CSPG4: variants seen among roughly 807,000 people sequenced by gnomAD.
The protein encoded by CSPG4 is chondroitin sulfate proteoglycan 4 (melanoma-associated).
CSPG4 carries 74 observed loss-of-function variants against 139.3 expected under a neutral mutation model. That is an observed-to-expected ratio of 0.53 (90% CI 0.44 to 0.64). The LOEUF (loss-of-function observed/expected upper bound fraction) is 0.64, where lower values mean the gene tolerates loss of function less well. Ranked by LOEUF, CSPG4 falls within the 30% of genes least tolerant of loss-of-function variation. CSPG4 has a pLI of 0.00. For missense variants in CSPG4, 2,565 were observed against 3,148.3 expected (o/e 0.81, Z 4.43); for synonymous variants, 1,234 against 1,394.2 (o/e 0.89, Z 2.56).
At position 75,700,433 on chromosome 15, in the gene CSPG4, G is replaced by A. The variant is rs557228920; in HGVS notation, c.89-7200C>T. On this transcript the variant is annotated intron_variant, in intron 1 of 9. Transcript: ENST00000308508. ...AGGGAAGCATCTGCTCTCCTTGGGC[G>A]GTTTGGCAGCCCCTCCTCTGTGGCT... Among the ~76,000 whole-genome samples, 11 of 152,330 alleles carry A rather than the reference G, an allele frequency of 7.2e-5. No individual in the cohort carries two copies. The East Asian group carries it at 1.7e-3, about 24-fold the overall frequency.
rs1029540219 is a variant in CSPG4 at position 75,689,258 on chromosome 15, C to T, written c.1807G>A (p.Val603Met). ...TCCCCAGGCTGGTCTCGGCGCTCCA[C>T]GGGGAGGCCAGAGGAGGTGCCAAGG... Reference protein sequence around the residue: ...QVLGTSSGLPVERRDQPGEPA... With the variant: ...QVLGTSSGLPMERRDQPGEPA... Residue 603 changes from valine (V) to methionine (M), a missense_variant, in exon 3 of 10, where the codon GTG (valine) becomes ATG (methionine). This residue lies in a region of CSPG4 where 2,316 missense variants were observed against 2,818.2 expected (regional missense o/e 0.82). Coordinates refer to ENST00000308508, the MANE Select transcript of CSPG4 (RefSeq NM_001897.5). 24 of 1,610,496 alleles carry T rather than the reference C, an allele frequency of 1.5e-5. No homozygotes were observed. The East Asian group carries it at 1.8e-4, about 12-fold the overall frequency.
In CSPG4 at chr15:75,687,501, G is replaced by A. The variant is rs1717085606; in HGVS notation, c.3564C>T (p.Ser1188=). The A allele has an allele frequency of 6.2e-7, 1 of 1,612,414 alleles. No homozygotes were observed. Among genetic ancestry groups the A allele is most frequent in the African/African-American group, 1.3e-5 (1 of 75,060 alleles). ...VRAGQPATAF[S]QQDLLDGAVL... is the part of the protein sequence containing the mutation. ...CGGCCCCATCCAGCAGGTCCTGCTG[G>A]GAGAAGGCTGTGGCTGGCTGACCAG... Residue 1188 remains serine, a synonymous_variant, in exon 3 of 10, where the codon TCC becomes TCT. Transcript: ENST00000308508. This position sits in a 1 kb window ranked among gnomAD's most constrained non-coding sequence, Gnocchi z 5.4.
Position 75,693,079 on chromosome 15 carries a change from T to A in CSPG4, c.243A>T (p.Gly81=). 2 of 1,498,394 alleles carry A rather than the reference T, an allele frequency of 1.3e-6. No homozygotes were observed. Among genetic ancestry groups the A allele is most frequent in the South Asian group, 1.2e-5 (1 of 83,276 alleles). The allele number at this position is 1,498,394 out of a possible 1,614,324, so 92.8% of individuals were successfully genotyped here. Residue 81 remains glycine (G), a synonymous_variant, in exon 2 of 10, where the codon GGA becomes GGT. Transcript: ENST00000308508. ...ADHLLLQLYS[G]RLQVRLVLGQ... is the part of the protein sequence containing the mutation. ...GGGGGACGTCACTCACCTGCAGGCGTCCAGAGTAGAGCTGCAGCAGGAGGT... is the reference window on the plus strand; with the variant it reads ...GGGGGACGTCACTCACCTGCAGGCGACCAGAGTAGAGCTGCAGCAGGAGGT...
intron 5 of CSPG4, among the ~76,000 whole-genome samples, chr15:75,683,518 G>A (rs1160165445): frequency 6.6e-6 from 1 of 152,256 alleles, no homozygotes; most frequent in African/African-American, 2.4e-5. Context: ...AGCTGAGGGA[G>A]GGGTGCGTGG....
At chr15:75,710,992 G>A (rs1384555488) in intron 1 of CSPG4, among the ~76,000 whole-genome samples, 3 of 152,194 alleles carry the variant, frequency 2.0e-5, no homozygotes, top group African/African-American at 7.2e-5. Context: ...AGGCTTCTGT[G>A]CCCCAGCCCA....
Position 75,682,343 on chromosome 15 carries a change from C to T in CSPG4, c.4900G>A (p.Ala1634Thr), listed in dbSNP as rs779270964. 1.8e-5 allele frequency: 28 copies of T among 1,596,652 alleles called. No homozygotes were observed. The highest frequency in any genetic ancestry group is 1.1e-4 in the East Asian group (5 of 44,884). The change falls in exon 8 of 10, where the codon GCC becomes ACC. Residue 1634 changes from alanine (A) to threonine (T), a missense_variant. Ala to Thr is a moderately conservative substitution (Grantham distance 58, BLOSUM62 0). Transcript: ENST00000308508. ...GCCTCCCCTGTGCTGTCCTGCTGGG[C>T]GTGGAACAGCCGGCCTAGCTGGGGG... The part of the protein sequence containing the change: ...RGPQLGRLFH[A>T]QQDSTGEALV...
In CSPG4 at chr15:75,687,768, G is replaced by T; in HGVS notation, c.3297C>A (p.Asp1099Glu). The change falls in exon 3 of 10, where the codon GAC becomes GAA. Residue 1099 changes from aspartate (D) to glutamate (E), a missense_variant. Coordinates refer to ENST00000308508, the MANE Select transcript of CSPG4 (RefSeq NM_001897.5). This position sits in a 1 kb window ranked among gnomAD's most constrained non-coding sequence, Gnocchi z 5.4. ...ACACCTGCAGCTGGATCCAGCCACG[G>T]TCAGCCCCTGAGTGCACGAACAGTA... ...RRVLFVHSGA[D>E]RGWIQLQVSD... 6.2e-7 allele frequency: 1 copy of T among 1,612,954 alleles called. No homozygotes were observed. Among genetic ancestry groups the T allele is most frequent in the Non-Finnish European group, 8.5e-7 (1 of 1,180,018 alleles).
chr15:75,676,417 A>C lies in CSPG4; in HGVS notation c.6102T>G (p.Asn2034Lys). ...FRVLALARGV[N>K]ASAVVNVTVR... ...CAGTGACGTTCACTACGGCTGATGC[A>C]TTGACACCCCTAGCCAGTGCCAGGA... is the stretch of plus-strand genomic sequence containing the variant. Residue 2034 changes from asparagine (N) to lysine (K), a missense_variant, in exon 10 of 10, where the codon AAT becomes AAG. By Grantham distance (94) the Asn-to-Lys change is moderately conservative. Coordinates refer to ENST00000308508, the MANE Select transcript of CSPG4 (RefSeq NM_001897.5). 3 of 1,613,756 alleles carry C rather than the reference A, an allele frequency of 1.9e-6. No homozygotes were observed. Among genetic ancestry groups the C allele is most frequent in the Non-Finnish European group, 2.5e-6 (3 of 1,180,028 alleles).
At position 75,696,032 on chromosome 15, in the gene CSPG4, G is replaced by A. The variant is rs375409665; in HGVS notation, c.89-2799C>T. On this transcript the variant is annotated intron_variant, in intron 1 of 9. Transcript: ENST00000308508. The surrounding 1 kb of genome is among the most constrained non-coding windows in gnomAD (Gnocchi z 4.2). ...TGGCACAGGCTGGATCAGACCTGCC[G>A]TTGATTCTCCTGGGTCAAGAGGACC... 2.0e-5 allele frequency among the ~76,000 whole-genome samples: 3 copies of A among 152,166 alleles called. No individual in the cohort carries two copies. Among genetic ancestry groups the A allele is most frequent in the African/African-American group, 2.4e-5 (1 of 41,440 alleles).
intron 1 of CSPG4, among the ~76,000 whole-genome samples, chr15:75,697,020 C>T (rs1001316054): frequency 2.0e-5 from 3 of 152,208 alleles, no homozygotes; most frequent in Non-Finnish European, 2.9e-5. Context: ...GACAAGGAGT[C>T]GCTGTGAGGG....
rs756400947 is a variant in CSPG4, at chr15:75,685,383, C to T, written c.4108G>A (p.Gly1370Ser). ...LEAQNFSVPE[G>S]GSLTLAPPLL... The stretch of plus-strand genomic sequence containing the variant: ...GGAGGGGCCAGGGTGAGGCTGCCAC[C>T]CTCAGGGACGCTGAAGTTTTGCGCC... Residue 1370 changes from glycine (G) to serine (S), a missense_variant, in exon 4 of 10, where the codon GGT becomes AGT. Physicochemically the swap from Gly to Ser is moderately conservative, Grantham distance 56. Coordinates refer to ENST00000308508, the MANE Select transcript of CSPG4 (RefSeq NM_001897.5). The T allele has an allele frequency of 6.2e-7, 1 of 1,610,504 alleles. No homozygotes were observed. The highest frequency in any genetic ancestry group is 8.5e-7 in the Non-Finnish European group (1 of 1,179,140).
At chr15:75,711,657 G>C (rs183899351) in intron 1 of CSPG4, among the ~76,000 whole-genome samples, 53 of 149,334 alleles carry the variant, frequency 3.5e-4, no homozygotes, top group African/African-American at 1.3e-3. Flanking sequence ...AGAAGGGTGT[G>C]GCCTGGGCCC....
Position 75,689,298 on chromosome 15 carries a change from G to T in CSPG4, c.1767C>A (p.Gly589=). 1 of 1,610,942 alleles carries T rather than the reference G, an allele frequency of 6.2e-7. No individual in the cohort carries two copies. Residue 589 remains glycine, a synonymous_variant, in exon 3 of 10, where the codon GGC becomes GGA. Transcript: ENST00000308508. ...AGGTGCCAAGGACCTGGAAGGTGAG[G>T]CCCTCACAGGCAGAGTCCGGGTCAT... is the stretch of plus-strand genomic sequence containing the variant. ...QAYDPDSACE[G]LTFQVLGTSS...
chr15:75,686,901 C>T (rs1278410289), intron 3 of CSPG4, among the ~76,000 whole-genome samples: 13 of 152,186 alleles, frequency 8.5e-5, no homozygotes, highest in South Asian at 2.1e-4. Flanking sequence ...CCTGTCTCCA[C>T]GGTCAGCAAT....
At position 75,675,874 on chromosome 15, in the gene CSPG4, C is replaced by G; in HGVS notation, c.6645G>C (p.Leu2215=). Residue 2215 remains leucine, a synonymous_variant, in exon 10 of 10, where the codon CTG becomes CTC. Transcript: ENST00000308508. The stretch of plus-strand genomic sequence containing the variant: ...TGAACATGTTGGCCTCAAGGAAGCT[C>G]AGGAAGCCTCCCTTGGCCACAGCGG... ...PEPAVAKGGF[L]SFLEANMFSV... 2 of 1,607,690 alleles carry G rather than the reference C, an allele frequency of 1.2e-6. No homozygotes were observed. The highest frequency in any genetic ancestry group is 1.7e-6 in the Non-Finnish European group (2 of 1,179,960).
In CSPG4 at chr15:75,698,590, G is replaced by A. The variant is rs1026416910; in HGVS notation, c.89-5357C>T. On this transcript the variant is annotated intron_variant, in intron 1 of 9. Transcript: ENST00000308508. The surrounding 1 kb of genome is among the most constrained non-coding windows in gnomAD (Gnocchi z 4.3). ...TGTCACATGTACACACGTGTGTGGCGGCAAGGCAGGCGAGGAAGGGGTGCG... is the reference window on the plus strand; with the variant it reads ...TGTCACATGTACACACGTGTGTGGCAGCAAGGCAGGCGAGGAAGGGGTGCG... 4.6e-5 allele frequency among the ~76,000 whole-genome samples: 7 copies of A among 152,056 alleles called. No homozygotes were observed. Among genetic ancestry groups the A allele is most frequent in the Non-Finnish European group, 1.0e-4 (7 of 68,004 alleles).
chr15:75,687,210 G>T lies in CSPG4; in HGVS notation c.3789+66C>A. On this transcript the variant is annotated intron_variant, in intron 3 of 9. Transcript: ENST00000308508. The surrounding 1 kb of genome is among the most constrained non-coding windows in gnomAD (Gnocchi z 5.4). Reference sequence around the variant, plus strand: ...ACAGCCCAAGTCACGTGTGTTCCTGGCATGGAGGCTGGGAGAAGGCCCTCT... The same window carrying T: ...ACAGCCCAAGTCACGTGTGTTCCTGTCATGGAGGCTGGGAGAAGGCCCTCT... The T allele has an allele frequency of 2.5e-6, 4 of 1,580,764 alleles. No homozygotes were observed. Among genetic ancestry groups the T allele is most frequent in the Non-Finnish European group, 3.4e-6 (4 of 1,161,114 alleles).
chr15:75,699,701 G>A (rs570860802), intron 1 of CSPG4, among the ~76,000 whole-genome samples: 1 of 152,348 alleles, frequency 6.6e-6, no homozygotes, highest in South Asian at 2.1e-4. Flanking sequence ...GTCCACCCAG[G>A]CGGGAGGGCT....
chr15:75,692,017 T>G (rs1894170776), intron 2 of CSPG4, among the ~76,000 whole-genome samples: 1 of 152,164 alleles, frequency 6.6e-6, no homozygotes, highest in Admixed American at 6.5e-5. Flanking sequence ...GTTTGGTTCT[T>G]GTTGCCCAGG....
Sources: gnomAD v4.1 joint callset for allele counts (sites outside exome capture counted in the v4.1 genomes callset) on GRCh38, gnomAD v4.1.1 for gene constraint, gnomAD v4.1.1 regional missense constraint, Gnocchi (gnomAD v3.1) non-coding constraint, MANE v1.5 for transcripts, NCBI Gene and HGNC (gene_info 2026-07-23, HGNC 2026-07-21) for gene names.